KIFAP3: variants seen among roughly 807,000 people sequenced by gnomAD.
The protein encoded by KIFAP3 is kinesin associated protein 3.
In KIFAP3, 68 loss-of-function variants were observed where a neutral mutation model predicts 106.5. That is an observed-to-expected ratio of 0.64 (90% CI 0.53 to 0.78). The LOEUF is 0.78. Ranked by LOEUF, KIFAP3 falls within the 30% of genes least tolerant of loss-of-function variation. The pLI is 0.00. For synonymous variants in KIFAP3, 320 were observed against 311.5 expected (o/e 1.03, Z -0.29); for missense variants, 780 against 941.8 (o/e 0.83, Z 2.25).
At chr1:170,028,745 T>C (rs1669246949) in intron 8 of KIFAP3, among the ~76,000 whole-genome samples, 1 of 152,182 alleles carries the variant, frequency 6.6e-6, no homozygotes, top group African/African-American at 2.4e-5. Context: ...TGGCACAAAA[T>C]ACTTGACAGC....
chr1:170,069,984 A>G (rs1671627196), intron 1 of KIFAP3, among the ~76,000 whole-genome samples: 1 of 152,152 alleles, frequency 6.6e-6, no homozygotes, highest in Non-Finnish European at 1.5e-5. Context: ...AGAATAGATC[A>G]GAACACACCA....
chr1:170,010,383 A>G (rs1029588718), intron 10 of KIFAP3, among the ~76,000 whole-genome samples: 2 of 151,940 alleles, frequency 1.3e-5, no homozygotes, highest in Non-Finnish European at 2.9e-5. Context: ...TGTTAATAGA[A>G]AAAGCTAAAA....
intron 1 of KIFAP3, among the ~76,000 whole-genome samples, chr1:170,061,228 C>T (rs1049530268): frequency 6.6e-6 from 1 of 152,106 alleles, no homozygotes; most frequent in African/African-American, 2.4e-5. Flanking sequence ...AACAGGCAAC[C>T]TACAGAATGG....
intron 2 of KIFAP3, among the ~76,000 whole-genome samples, chr1:170,047,404 G>A (rs751767768): frequency 8.6e-5 from 13 of 151,710 alleles, no homozygotes; most frequent in East Asian, 1.9e-4. Context: ...GGGGGATCAC[G>A]AGGTCAGGAG....
Position 169,980,521 on chromosome 1 carries a change from T to C in KIFAP3, c.1798+1451A>G, listed in dbSNP as rs539915792. On this transcript the variant is annotated intron_variant, in intron 15 of 19. Coordinates refer to ENST00000361580, the MANE Select transcript of KIFAP3 (RefSeq NM_014970.4). ...AACTCTAGGCCTGCAATGTCAAATA[T>C]TGTAGCCATAAACCACTGCAGCTAA... Among the ~76,000 whole-genome samples the C allele has an allele frequency of 5.3e-5, 8 of 152,274 alleles. No homozygotes were observed. The South Asian group carries it at 1.4e-3, about 28-fold the overall frequency.
chr1:169,950,276 G>A (rs1664660331), intron 19 of KIFAP3, among the ~76,000 whole-genome samples: 2 of 152,154 alleles, frequency 1.3e-5, no homozygotes, highest in Non-Finnish European at 2.9e-5. Context: ...AGAACTGGCT[G>A]AAGAGTATGC....
intron 10 of KIFAP3, among the ~76,000 whole-genome samples, chr1:170,015,020 T>C: frequency 6.6e-6 from 1 of 152,290 alleles, no homozygotes; most frequent in South Asian, 2.1e-4. Flanking sequence ...AATAAAACAG[T>C]CTCGCTCAAG....
At chr1:169,967,653 C>T (rs1665695769) in intron 17 of KIFAP3, among the ~76,000 whole-genome samples, 1 of 151,786 alleles carries the variant, frequency 6.6e-6, no homozygotes. Context: ...CTAAGACTTA[C>T]TTAAGCTCTA....
intron 1 of KIFAP3, among the ~76,000 whole-genome samples, chr1:170,059,857 T>A (rs1671046262): frequency 6.6e-6 from 1 of 152,198 alleles, no homozygotes; most frequent in African/African-American, 2.4e-5. Context: ...CAACGCTGGT[T>A]CAATATATGC....
chr1:169,968,330 G>A (rs1174677229), intron 17 of KIFAP3, among the ~76,000 whole-genome samples: 1 of 151,778 alleles, frequency 6.6e-6, no homozygotes, highest in Non-Finnish European at 1.5e-5. Context: ...TCACTATCAG[G>A]AAAACTCTTT....
At chr1:170,057,275 C>T (rs918200463) in intron 1 of KIFAP3, among the ~76,000 whole-genome samples, 5 of 151,996 alleles carry the variant, frequency 3.3e-5, no homozygotes, top group African/African-American at 1.2e-4. Context: ...TAATTCTTGT[C>T]CTCTGTTGTC....
rs576552110 is a variant in KIFAP3 at position 170,043,147 on chromosome 1, T to A, written c.319+3565A>T. ...ATCAAAGGTTCCTTATCCTCCATCC[T>A]TTTATTTTATAGATTAATATCATCA... On this transcript the variant is annotated intron_variant, in intron 3 of 19. Transcript: ENST00000361580. Among the ~76,000 whole-genome samples the A allele has an allele frequency of 3.3e-5, 5 of 152,302 alleles. No homozygotes were observed. The South Asian group carries it at 1.0e-3, about 32-fold the overall frequency.
chr1:169,986,188 T>C (rs1018081850), intron 11 of KIFAP3, among the ~76,000 whole-genome samples: 2 of 151,940 alleles, frequency 1.3e-5, no homozygotes, highest in African/African-American at 2.4e-5. Flanking sequence ...CTTGTTTTGA[T>C]TACTGTTAGT....
chr1:170,074,859 C>T, upstream of KIFAP3: 3 of 629,082 alleles, frequency 4.8e-6, no homozygotes, highest in Non-Finnish European at 6.3e-6. Context: ...AGTCACCGCC[C>T]CCTTGAGGAT....
intron 10 of KIFAP3, among the ~76,000 whole-genome samples, chr1:170,003,664 T>G (rs1041722838): frequency 1.3e-5 from 2 of 152,212 alleles, no homozygotes; most frequent in African/African-American, 4.8e-5. Flanking sequence ...CAGGCTTCCT[T>G]CAGCTGTGGT....
chr1:169,967,353 T>G (rs1665681366), intron 17 of KIFAP3, among the ~76,000 whole-genome samples: 1 of 151,858 alleles, frequency 6.6e-6, no homozygotes, highest in Admixed American at 6.6e-5. Flanking sequence ...CAATTTGCTG[T>G]ATCACATTCC....
At chr1:169,953,736 G>A (rs1188450080) in intron 19 of KIFAP3, among the ~76,000 whole-genome samples, 2 of 152,142 alleles carry the variant, frequency 1.3e-5, no homozygotes, top group African/African-American at 2.4e-5. Context: ...GGATGGTCTC[G>A]ATCTCCTGAC....
At chr1:170,034,322 A>G in intron 7 of KIFAP3, 50 bp downstream of exon 7, 1 of 1,561,294 alleles carries the variant, frequency 6.4e-7, no homozygotes, top group Non-Finnish European at 8.6e-7. Flanking sequence ...CCCATCCAAA[A>G]CTTAAAGCAA....
intron 2 of KIFAP3, among the ~76,000 whole-genome samples, chr1:170,053,297 G>A (rs1319916977): frequency 1.3e-5 from 2 of 152,232 alleles, no homozygotes; most frequent in Non-Finnish European, 1.5e-5. Context: ...GGTATGTGAA[G>A]GACCTCTTCG....
Sources: gnomAD v4.1 joint callset for allele counts (sites outside exome capture counted in the v4.1 genomes callset) on GRCh38, gnomAD v4.1.1 for gene constraint, MANE v1.5 for transcripts, NCBI Gene and HGNC (gene_info 2026-07-23, HGNC 2026-07-21) for gene names.